The following KCNQ3 variants were observed in gnomAD, a reference collection of about 807,000 sequenced individuals.
KCNQ3 encodes potassium voltage-gated channel subfamily Q member 3, also known as potassium voltage-gated channel subfamily KQT member 3.
In KCNQ3, 30 loss-of-function variants were observed where a neutral mutation model predicts 92.5. The observed-to-expected ratio is 0.32, with a 90% CI of 0.24 to 0.44. The LOEUF is 0.44. Among genes scored for constraint, KCNQ3 ranks in the 20% least tolerant of loss-of-function variants. The probability of loss-of-function intolerance (pLI) is 1.00; values close to 1 mark genes in which losing one functional copy is unlikely to be tolerated. For synonymous variants in KCNQ3, 450 were observed against 468.8 expected (o/e 0.96, Z 0.52); for missense variants, 913 against 1,140.3 (o/e 0.80, Z 2.87).
chr8:132,435,982 G>A (rs1821384695), intron 1 of KCNQ3, among the ~76,000 whole-genome samples: 2 of 152,204 alleles, frequency 1.3e-5, no homozygotes, highest in Admixed American at 6.5e-5. Context: ...AAGAGAGGCA[G>A]TGTCCAAATT....
At chr8:132,216,596 T>C (rs1004985714) in intron 1 of KCNQ3, among the ~76,000 whole-genome samples, 15 of 152,178 alleles carry the variant, frequency 9.9e-5, no homozygotes, top group African/African-American at 3.6e-4. Flanking sequence ...GGTTTCGAAA[T>C]TTTGATTGCA....
rs142338107 is a variant in KCNQ3, at chr8:132,390,807, T to C, written c.386+89340A>G. 2.3e-3 allele frequency among the ~76,000 whole-genome samples: 347 copies of C among 152,336 alleles called. 4 individuals carry two copies. Among genetic ancestry groups the C allele is most frequent in the South Asian group, 0.012 (59 of 4,812 alleles). On this transcript the variant is annotated intron_variant, in intron 1 of 14. Transcript: ENST00000388996. The stretch of plus-strand genomic sequence containing the variant: ...CACATTTTAAGTACCCGATCAGCAT[T>C]AGACTGGTATCTTTATAATAATAAA...
intron 1 of KCNQ3, among the ~76,000 whole-genome samples, chr8:132,340,757 C>T (rs1818507548): frequency 2.0e-5 from 3 of 152,138 alleles, no homozygotes; most frequent in Non-Finnish European, 2.9e-5. Context: ...GGACGTTCTG[C>T]ACCTGTATCC....
intron 1 of KCNQ3, among the ~76,000 whole-genome samples, chr8:132,322,002 T>C (rs972315992): frequency 5.9e-5 from 9 of 152,076 alleles, no homozygotes; most frequent in African/African-American, 2.2e-4. Flanking sequence ...CACATTTTCT[T>C]GAAAATGACT....
chr8:132,386,444 A>T (rs1433831015), intron 1 of KCNQ3, among the ~76,000 whole-genome samples: 1 of 152,154 alleles, frequency 6.6e-6, no homozygotes, highest in Non-Finnish European at 1.5e-5. Context: ...TCTCAAAAAT[A>T]TTAATTATAG....
At chr8:132,317,671 C>T (rs980161855) in intron 1 of KCNQ3, among the ~76,000 whole-genome samples, 6 of 152,148 alleles carry the variant, frequency 3.9e-5, no homozygotes, top group African/African-American at 1.4e-4. Flanking sequence ...CAGTGGAACT[C>T]GTCCTCTGCT....
At chr8:132,232,768 A>G (rs572978274) in intron 1 of KCNQ3, among the ~76,000 whole-genome samples, 2 of 152,232 alleles carry the variant, frequency 1.3e-5, no homozygotes, top group African/African-American at 4.8e-5. Flanking sequence ...AACAGCCCCA[A>G]ATACTCACGC....
intron 1 of KCNQ3, among the ~76,000 whole-genome samples, chr8:132,211,585 G>A (rs1813855155): frequency 6.6e-6 from 1 of 152,088 alleles, no homozygotes; most frequent in Non-Finnish European, 1.5e-5. Context: ...ACTGACTGAT[G>A]AGTTAAAGAA....
chr8:132,430,117 G>A (rs1285808802), intron 1 of KCNQ3, among the ~76,000 whole-genome samples: 1 of 152,146 alleles, frequency 6.6e-6, no homozygotes, highest in Non-Finnish European at 1.5e-5. Context: ...CAACCAGAGA[G>A]GCCTCTTGGT....
chr8:132,351,876 T>C lies in KCNQ3; in HGVS notation c.386+128271A>G, dbSNP rs142390545. On this transcript the variant is annotated intron_variant, in intron 1 of 14. Coordinates refer to ENST00000388996, the MANE Select transcript of KCNQ3 (RefSeq NM_004519.4). ...AAATTCTGGACCTGCCAGCTGACAGTGGGCAAATCGCTTCTGCTCTCTAAG... is the reference window on the plus strand; with the variant it reads ...AAATTCTGGACCTGCCAGCTGACAGCGGGCAAATCGCTTCTGCTCTCTAAG... 3.3e-4 allele frequency among the ~76,000 whole-genome samples: 51 copies of C among 152,270 alleles called. 1 individual carries two copies. The highest frequency in any genetic ancestry group is 1.1e-3 in the African/African-American group (47 of 41,554).
chr8:132,296,490 T>G (rs1014723677), intron 1 of KCNQ3, among the ~76,000 whole-genome samples: 5 of 151,886 alleles, frequency 3.3e-5, no homozygotes, highest in African/African-American at 9.7e-5. Flanking sequence ...GCTGCACCCA[T>G]TAACTCGTCT....
intron 1 of KCNQ3, among the ~76,000 whole-genome samples, chr8:132,377,471 G>T (rs768436664): frequency 6.6e-6 from 1 of 152,204 alleles, no homozygotes; most frequent in Non-Finnish European, 1.5e-5. Context: ...TAAAGAGCAG[G>T]AACAAAGGAA....
At chr8:132,292,674 G>T (rs1816891725) in intron 1 of KCNQ3, among the ~76,000 whole-genome samples, 1 of 152,200 alleles carries the variant, frequency 6.6e-6, no homozygotes, top group African/African-American at 2.4e-5. Context: ...GGGCACTCGT[G>T]TGGTGTTATG....
chr8:132,338,286 A>G (rs1206435847), intron 1 of KCNQ3, among the ~76,000 whole-genome samples: 1 of 152,172 alleles, frequency 6.6e-6, no homozygotes, highest in African/African-American at 2.4e-5. Context: ...TTAAACACCC[A>G]GGTCTGACTT....
intron 1 of KCNQ3, among the ~76,000 whole-genome samples, chr8:132,323,064 G>C (rs1024852585): frequency 1.3e-5 from 2 of 152,110 alleles, no homozygotes; most frequent in Non-Finnish European, 2.9e-5. Flanking sequence ...TGCCCATCAC[G>C]GATCCGGGAA....
At position 132,129,195 on chromosome 8, in the gene KCNQ3, G is replaced by C; in HGVS notation, c.*67C>G. 2.5e-6 allele frequency: 4 copies of C among 1,572,398 alleles called. No homozygotes were observed. The highest frequency in any genetic ancestry group is 3.5e-6 in the Non-Finnish European group (4 of 1,157,338). On this transcript the variant is annotated 3_prime_UTR_variant, in exon 15 of 15. Coordinates refer to ENST00000388996, the MANE Select transcript of KCNQ3 (RefSeq NM_004519.4). This position sits in a 1 kb window ranked among gnomAD's most constrained non-coding sequence, Gnocchi z 5.9. ...TGGTGTCCCCGCTGGTAAGCGTCGG[G>C]TGTAAGAGTAAGTGAACTATACAAA...
intron 4 of KCNQ3, among the ~76,000 whole-genome samples, chr8:132,177,509 GCCTTGGTGACTCAAGT>G (rs1300336305): frequency 6.6e-6 from 1 of 152,144 alleles, no homozygotes; most frequent in African/African-American, 2.4e-5. Context: ...CCTTTCCCCT[GCCTTGGTGACTCAAGT>G]CCTCATAATT....
intron 1 of KCNQ3, among the ~76,000 whole-genome samples, chr8:132,203,059 G>A (rs1051265669): frequency 2.0e-5 from 3 of 152,118 alleles, no homozygotes; most frequent in Middle Eastern, 3.2e-3. Context: ...CTTTTTGCTG[G>A]ATCATCCCAT....
chr8:132,335,600 T>A (rs1818348081), intron 1 of KCNQ3, among the ~76,000 whole-genome samples: 1 of 152,096 alleles, frequency 6.6e-6, no homozygotes, highest in African/African-American at 2.4e-5. Context: ...GGATGTCAGG[T>A]CTCCTTTCTT....
Sources: gnomAD v4.1 joint callset for allele counts (sites outside exome capture counted in the v4.1 genomes callset) on GRCh38, gnomAD v4.1.1 for gene constraint, Gnocchi (gnomAD v3.1) non-coding constraint, MANE v1.5 for transcripts, NCBI Gene and HGNC (gene_info 2026-07-23, HGNC 2026-07-21) for gene names.